The following CSMD1 variants were observed in gnomAD, a reference collection of about 807,000 sequenced individuals.
CSMD1 encodes CUB and sushi domain-containing protein 1.
A neutral mutation model predicts 417.5 loss-of-function variants in CSMD1; 213 were observed. That is an observed-to-expected ratio of 0.51 (90% CI 0.46 to 0.57). CSMD1 has a LOEUF of 0.57. Ranked by LOEUF, CSMD1 falls within the 20% of genes least tolerant of loss-of-function variation. CSMD1 has a pLI of 0.00. For synonymous variants in CSMD1, 2,862 were observed against 1,736.8 expected, an observed-to-expected ratio of 1.65 and a Z score of -16.11; for missense variants, 6,923 against 4,529.7, an observed-to-expected ratio of 1.53 and a Z score of -15.17.
chr8:4,139,918 G>A (rs1803679493), intron 3 of CSMD1, among the ~76,000 whole-genome samples: 1 of 151,006 alleles, frequency 6.6e-6, no homozygotes, highest in African/African-American at 2.5e-5. Flanking sequence ...CTCATCTTCA[G>A]AGGATGGATA....
chr8:4,353,630 C>T (rs778942063), intron 3 of CSMD1, among the ~76,000 whole-genome samples: 25 of 151,960 alleles, frequency 1.6e-4, no homozygotes, highest in Admixed American at 3.9e-4. Context: ...GAGTCACGCC[C>T]AACGGGACAG....
intron 10 of CSMD1, among the ~76,000 whole-genome samples, chr8:3,558,600 CCG>C (rs1799314944): frequency 7.8e-6 from 1 of 128,460 alleles, no homozygotes; most frequent in African/African-American, 3.8e-5. Context: ...CAATAGTACC[CCG>C]TGTCCACTCC....
At chr8:4,400,805 T>C (rs759862246) in intron 3 of CSMD1, among the ~76,000 whole-genome samples, 2 of 151,410 alleles carry the variant, frequency 1.3e-5, no homozygotes, top group South Asian at 2.1e-4. Context: ...GATGAGCTCA[T>C]GCTTTTAAAG....
chr8:2,943,386 C>T (rs1802021273), intron 68 of CSMD1, among the ~76,000 whole-genome samples: 3 of 152,040 alleles, frequency 2.0e-5, no homozygotes, highest in Admixed American at 1.3e-4. Flanking sequence ...TGCCGCCATG[C>T]CTGGCTATTT....
chr8:3,812,658 G>A (rs1490191940), intron 5 of CSMD1, among the ~76,000 whole-genome samples: 7 of 152,262 alleles, frequency 4.6e-5, no homozygotes, highest in African/African-American at 1.7e-4. Context: ...CAGTAAAGAG[G>A]AATTAAGGAA....
At chr8:3,083,648 A>ATT (rs34049524) in intron 49 of CSMD1, among the ~76,000 whole-genome samples, 2 of 13,578 alleles carry the variant, frequency 1.5e-4, no homozygotes, top group African/African-American at 3.1e-4. Context: ...ATATATATAT[A>ATT]TTTTTTTTTT....
At chr8:3,826,665 G>A (rs976766236) in intron 5 of CSMD1, among the ~76,000 whole-genome samples, 3 of 152,030 alleles carry the variant, frequency 2.0e-5, no homozygotes, top group Non-Finnish European at 4.4e-5. Flanking sequence ...CTCGGGCATG[G>A]GTTTTGAGGA....
intron 12 of CSMD1, among the ~76,000 whole-genome samples, chr8:3,466,616 T>C (rs1383299559): frequency 7.1e-6 from 1 of 140,284 alleles, no homozygotes; most frequent in East Asian, 2.1e-4. Flanking sequence ...TGAGGAGAGA[T>C]AGGGGTTTCA....
chr8:4,796,911 G>A (rs942902896), intron 1 of CSMD1, among the ~76,000 whole-genome samples: 3 of 152,172 alleles, frequency 2.0e-5, no homozygotes, highest in Non-Finnish European at 2.9e-5. Context: ...GACACATTAG[G>A]TCTCTGAGTG....
At chr8:3,270,704 CTATT>C (rs1036781487) in intron 26 of CSMD1, among the ~76,000 whole-genome samples, 3 of 152,092 alleles carry the variant, frequency 2.0e-5, no homozygotes, top group African/African-American at 4.8e-5. Flanking sequence ...TTACTTTAAA[CTATT>C]TATCAACAGT....
chr8:4,377,373 T>A (rs1449197869), intron 3 of CSMD1, among the ~76,000 whole-genome samples: 1 of 152,212 alleles, frequency 6.6e-6, no homozygotes, highest in Non-Finnish European at 1.5e-5. Context: ...GTTTGCTTCC[T>A]TTTCTTTTAG....
chr8:4,702,024 C>T (rs184716056), intron 1 of CSMD1, among the ~76,000 whole-genome samples: 10 of 152,264 alleles, frequency 6.6e-5, no homozygotes, highest in Admixed American at 3.3e-4. Flanking sequence ...AACCAAACAC[C>T]GCATCTTCTC....
intron 2 of CSMD1, among the ~76,000 whole-genome samples, chr8:4,633,050 A>G (rs1298231147): frequency 6.6e-6 from 1 of 152,090 alleles, no homozygotes; most frequent in Non-Finnish European, 1.5e-5. Context: ...GTTGCCGGAG[A>G]TAGAAGCCAG....
intron 3 of CSMD1, among the ~76,000 whole-genome samples, chr8:4,354,684 G>C (rs1801295595): frequency 1.3e-5 from 2 of 152,056 alleles, no homozygotes; most frequent in African/African-American, 4.8e-5. Flanking sequence ...TGTAACATTT[G>C]TATATTGTCA....
chr8:4,438,953 A>G (rs1204347656), intron 2 of CSMD1, among the ~76,000 whole-genome samples: 1 of 152,224 alleles, frequency 6.6e-6, no homozygotes, highest in Non-Finnish European at 1.5e-5. Context: ...TAAATGAATT[A>G]ATGTGAAGTC....
At chr8:2,970,444 T>C (rs1804356317) in intron 57 of CSMD1, among the ~76,000 whole-genome samples, 1 of 152,192 alleles carries the variant, frequency 6.6e-6, no homozygotes, top group Non-Finnish European at 1.5e-5. Flanking sequence ...AAACCAGGGT[T>C]TAGGCTCAAT....
intron 27 of CSMD1, 87 bp from the exon 28 acceptor site, chr8:3,223,954 T>C: frequency 1.5e-6 from 2 of 1,349,348 alleles, no homozygotes; most frequent in African/African-American, 1.5e-5. Context: ...CACAGAATTC[T>C]TTAAGAAAAA....
At chr8:3,907,185 C>G (rs73495989) in intron 5 of CSMD1, among the ~76,000 whole-genome samples, 8 of 152,248 alleles carry the variant, frequency 5.3e-5, no homozygotes, top group African/African-American at 1.9e-4. Context: ...CGCATGTTAC[C>G]TGAATCAGCG....
intron 1 of CSMD1, among the ~76,000 whole-genome samples, chr8:4,855,259 T>C (rs1209204757): frequency 6.6e-6 from 1 of 151,186 alleles, no homozygotes; most frequent in Non-Finnish European, 1.5e-5. Flanking sequence ...CAAAAACCCA[T>C]CTGTACATAA....
Sources: gnomAD v4.1 joint callset for allele counts (sites outside exome capture counted in the v4.1 genomes callset) on GRCh38, gnomAD v4.1.1 for gene constraint, MANE v1.5 for transcripts, NCBI Gene and HGNC (gene_info 2026-07-23, HGNC 2026-07-21) for gene names.